The following ADCY3 variants were observed in gnomAD, a reference collection of about 807,000 sequenced individuals.
The protein encoded by ADCY3 is adenylate cyclase type 3.
ADCY3 carries 70 observed loss-of-function variants against 119.4 expected under a neutral mutation model. That is an observed-to-expected ratio of 0.59 (90% CI 0.48 to 0.72). ADCY3 has a LOEUF of 0.72. ADCY3 is among the 30% of genes least tolerant of loss of function. ADCY3 has a pLI of 0.00. For missense variants in ADCY3, 1,238 were observed against 1,541.6 expected (o/e 0.80, Z 3.30); for synonymous variants, 672 against 621.4 (o/e 1.08, Z -1.21).
At chr2:24,893,213 T>C (rs940964990) in intron 2 of ADCY3, among the ~76,000 whole-genome samples, 1 of 151,994 alleles carries the variant, frequency 6.6e-6, no homozygotes, top group Non-Finnish European at 1.5e-5. Context: ...TTTAAAAAAA[T>C]TTTTTGTAGA....
rs1380857443 is a variant in ADCY3 at position 24,821,650 on chromosome 2, G to C, written c.3004-10C>G. On this transcript the variant is annotated splice_polypyrimidine_tract_variant and intron_variant, in intron 19 of 21. Coordinates refer to ENST00000679454, the MANE Select transcript of ADCY3 (RefSeq NM_004036.5). ...TCTCGGACTTGTCTTCCTGTGCCAG[G>C]GGACCGTGGAGAAAGTGTCAGGGGC... 6.2e-7 allele frequency: 1 copy of C among 1,613,536 alleles called. No homozygotes were observed. Among genetic ancestry groups the C allele is most frequent in the Non-Finnish European group, 8.5e-7 (1 of 1,179,832 alleles).
In ADCY3 at chr2:24,819,321, TGTA is replaced by T. The variant is rs1357509149; in HGVS notation, c.*608_*610del. 1 of 152,224 alleles carries T rather than the reference TGTA, an allele frequency of 6.6e-6. No individual in the cohort carries two copies. Among genetic ancestry groups the T allele is most frequent in the Admixed American group, 6.6e-5 (1 of 15,240 alleles). 9.4% of individuals were successfully genotyped at this position (152,224 alleles called of 1,614,324 possible). ...TTTAACAGAAGATTAAAAATATAAA[TGTA>T]GAAGATCTGTTTATATATTTTTCTT... On this transcript the variant is annotated 3_prime_UTR_variant, in exon 22 of 22. Coordinates refer to ENST00000679454, the MANE Select transcript of ADCY3 (RefSeq NM_004036.5).
Position 24,823,779 on chromosome 2 carries a change from C to T in ADCY3, c.2737-424G>A, listed in dbSNP as rs576223642. The stretch of plus-strand genomic sequence containing the variant: ...CAATCTCAGCTCACTGCAACCTCCA[C>T]CTCCCGGGTTCAAGTGAGTCTCCTG... On this transcript the variant is annotated intron_variant, in intron 17 of 21. Transcript: ENST00000679454. 1.5e-3 allele frequency among the ~76,000 whole-genome samples: 229 copies of T among 151,748 alleles called. 2 individuals are homozygous for T. Among genetic ancestry groups the T allele is most frequent in the African/African-American group, 5.5e-3 (227 of 41,358 alleles).
In ADCY3 at chr2:24,821,566, C is replaced by T. The variant is rs779611664; in HGVS notation, c.3078G>A (p.Thr1026=). Residue 1026 remains threonine (T), a synonymous_variant, in exon 20 of 22, where the codon ACG becomes ACA. Transcript: ENST00000679454. The stretch of plus-strand genomic sequence containing the variant: ...AGGACTGGTTGTTGATGTTGGTGAG[C>T]GTATCCTTCATGGCCAGCGCGAAGT... ...LADFALAMKD[T]LTNINNQSFN... is the part of the protein sequence containing the mutation. 7.2e-5 allele frequency: 117 copies of T among 1,613,910 alleles called. 3 individuals are homozygous for T. The South Asian group carries it at 1.2e-3, about 16-fold the overall frequency.
intron 3 of ADCY3, among the ~76,000 whole-genome samples, chr2:24,851,568 TGA>T (rs1182976324): frequency 2.0e-5 from 3 of 151,940 alleles, no homozygotes; most frequent in Non-Finnish European, 4.4e-5. Context: ...CTGGAATGGG[TGA>T]GTTTTTGTGC....
Position 24,918,215 on chromosome 2 carries a change from T to C in ADCY3, c.675+98A>G. On this transcript the variant is annotated intron_variant, in intron 2 of 21. Coordinates refer to ENST00000679454, the MANE Select transcript of ADCY3 (RefSeq NM_004036.5). The surrounding 1 kb of genome is among the most constrained non-coding windows in gnomAD (Gnocchi z 5.4). ...AGCCCCGGAGGCCCCCAGGACACATTTTGACTCAAAGGCAAAGCAAACAGC... is the reference window on the plus strand; with the variant it reads ...AGCCCCGGAGGCCCCCAGGACACATCTTGACTCAAAGGCAAAGCAAACAGC... 1 of 1,389,310 alleles carries C rather than the reference T, an allele frequency of 7.2e-7. No homozygotes were observed. The highest frequency in any genetic ancestry group is 9.7e-7 in the Non-Finnish European group (1 of 1,028,190). The allele number at this position is 1,389,310 out of a possible 1,614,324, so 86.1% of individuals were successfully genotyped here.
intron 2 of ADCY3, among the ~76,000 whole-genome samples, chr2:24,911,016 C>T (rs11688754): frequency 0.32 from 48,733 of 151,628 alleles, 7,961 homozygotes; most frequent in South Asian, 0.38. Flanking sequence ...TGTAACAACG[C>T]CTCCTACAGC....
intron 3 of ADCY3, among the ~76,000 whole-genome samples, chr2:24,856,472 A>G (rs1159482648): frequency 1.3e-5 from 2 of 152,178 alleles, no homozygotes; most frequent in Admixed American, 6.5e-5. Flanking sequence ...TGGAAGCCAA[A>G]AAGTCACTGC....
At chr2:24,836,188 G>C (rs1375896992) in intron 9 of ADCY3, among the ~76,000 whole-genome samples, 1 of 152,210 alleles carries the variant, frequency 6.6e-6, no homozygotes, top group African/African-American at 2.4e-5. Context: ...AGTGCCCTGA[G>C]TCTGGACCCC....
chr2:24,913,836 A>C (rs192355910), intron 2 of ADCY3, among the ~76,000 whole-genome samples: 86 of 152,330 alleles, frequency 5.6e-4, no homozygotes, highest in African/African-American at 1.8e-3. Context: ...AGGTCTTAAC[A>C]GGCTCTTCAT....
In ADCY3 at chr2:24,918,510, C is replaced by T. The variant is rs370785206; in HGVS notation, c.478G>A (p.Ala160Thr). Residue 160 changes from alanine (A) to threonine (T), a missense_variant, in exon 2 of 22, where the codon GCG (alanine) becomes ACG (threonine). Physicochemically the swap from Ala to Thr is moderately conservative, Grantham distance 58. This residue lies in a region of ADCY3 where 227 missense variants were observed against 249.3 expected (regional missense o/e 0.91). Coordinates refer to ENST00000679454, the MANE Select transcript of ADCY3 (RefSeq NM_004036.5). The surrounding 1 kb of genome is among the most constrained non-coding windows in gnomAD (Gnocchi z 5.4). ...QIFSYLGLNF[A>T]RAHAASDTVG... Reference sequence around the variant, plus strand: ...GTGTCACTAGCCGCGTGGGCACGCGCGAAGTTCAGGCCCAGGTAGGAGAAG... The same window carrying T: ...GTGTCACTAGCCGCGTGGGCACGCGTGAAGTTCAGGCCCAGGTAGGAGAAG... 1.9e-6 allele frequency: 3 copies of T among 1,613,760 alleles called. No homozygotes were observed. The highest frequency in any genetic ancestry group is 1.7e-5 in the Admixed American group (1 of 59,978).
chr2:24,884,507 A>T (rs1449817604), intron 2 of ADCY3, among the ~76,000 whole-genome samples: 1 of 115,640 alleles, frequency 8.6e-6, no homozygotes, highest in East Asian at 2.3e-4. Flanking sequence ...ACGGAGTCTC[A>T]CTCTGTCACC....
In ADCY3 at chr2:24,831,734, A is replaced by G. The variant is rs1669532387; in HGVS notation, c.1983T>C (p.Tyr661=). The G allele has an allele frequency of 6.2e-7, 1 of 1,603,382 alleles. No homozygotes were observed. The highest frequency in any genetic ancestry group is 8.5e-7 in the Non-Finnish European group (1 of 1,173,458). Residue 661 remains tyrosine, a synonymous_variant, in exon 12 of 22, where the codon TAT becomes TAC. Transcript: ENST00000679454. ...GAATCTCCCCCACCATGAAGGTCAC[A>G]TAGTTTGTCATTAGCCTGTGACAGA... is the stretch of plus-strand genomic sequence containing the variant. The part of the protein sequence containing the change: ...ILIDPWLMTN[Y]VTFMVGEILL...
intron 3 of ADCY3, among the ~76,000 whole-genome samples, chr2:24,863,720 C>A (rs758466941): frequency 1.3e-5 from 2 of 152,134 alleles, no homozygotes; most frequent in Non-Finnish European, 2.9e-5. Flanking sequence ...TATATTCTTG[C>A]CAAATATTAC....
chr2:24,851,115 G>A (rs1217067086), intron 3 of ADCY3, among the ~76,000 whole-genome samples: 6 of 152,104 alleles, frequency 3.9e-5, no homozygotes, highest in African/African-American at 1.4e-4. Flanking sequence ...CCCTGACCTC[G>A]GCTTCTCTGG....
At chr2:24,884,325 G>A (rs1676752059) in intron 2 of ADCY3, among the ~76,000 whole-genome samples, 2 of 152,056 alleles carry the variant, frequency 1.3e-5, no homozygotes, top group East Asian at 3.8e-4. Flanking sequence ...TGTTCAAGGT[G>A]GAGTAGTAGA....
At chr2:24,861,650 C>T (rs1311584188) in intron 3 of ADCY3, among the ~76,000 whole-genome samples, 1 of 152,214 alleles carries the variant, frequency 6.6e-6, no homozygotes, top group East Asian at 1.9e-4. Flanking sequence ...CACTCAGCTC[C>T]GAAGACCCGT....
rs1004661214 is a variant in ADCY3 at position 24,898,411 on chromosome 2, T to A, written c.675+19902A>T. Among the ~76,000 whole-genome samples the A allele has an allele frequency of 2.0e-5, 3 of 152,022 alleles. No individual in the cohort carries two copies. The highest frequency in any genetic ancestry group is 4.4e-5 in the Non-Finnish European group (3 of 68,024). ...GACACTGACTGTGTGGGAATGCACC[T>A]ATGCAGGGCTGTCCTCGGGGAGAGG... On this transcript the variant is annotated intron_variant, in intron 2 of 21. Transcript: ENST00000679454. The surrounding 1 kb of genome is among the most constrained non-coding windows in gnomAD (Gnocchi z 4.3).
chr2:24,826,284 AG>A, intron 15 of ADCY3, 158 bp from the exon 16 acceptor site: 1 of 644,294 alleles, frequency 1.6e-6, no homozygotes, highest in Non-Finnish European at 2.7e-6. Context: ...TCCCCCGGGC[AG>A]TAAAATTTTC....
Sources: gnomAD v4.1 joint callset for allele counts (sites outside exome capture counted in the v4.1 genomes callset) on GRCh38, gnomAD v4.1.1 for gene constraint, gnomAD v4.1.1 regional missense constraint, Gnocchi (gnomAD v3.1) non-coding constraint, MANE v1.5 for transcripts, NCBI Gene and HGNC (gene_info 2026-07-23, HGNC 2026-07-21) for gene names.